ADAMTSL3: variants seen among roughly 807,000 people sequenced by gnomAD.
ADAMTSL3 encodes ADAMTS-like protein 3.
A neutral mutation model predicts 201.7 loss-of-function variants in ADAMTSL3; 128 were observed. The ratio of observed to expected loss-of-function variants is 0.63; its 90% confidence interval spans 0.55 to 0.73. ADAMTSL3 has a LOEUF of 0.73. Among genes scored for constraint, ADAMTSL3 ranks in the 30% least tolerant of loss-of-function variants. ADAMTSL3 has a pLI of 0.00. For synonymous variants in ADAMTSL3, 738 were observed against 748.4 expected, an observed-to-expected ratio of 0.99 and a Z score of 0.23; for missense variants, 1,990 against 2,119.6, an observed-to-expected ratio of 0.94 and a Z score of 1.20.
At position 83,654,524 on chromosome 15, in the gene ADAMTSL3, G is replaced by A. The variant is rs890716612; in HGVS notation, c.-34+248G>A. 5.9e-5 allele frequency among the ~76,000 whole-genome samples: 9 copies of A among 152,092 alleles called. No homozygotes were observed. The highest frequency in any genetic ancestry group is 1.2e-4 in the Non-Finnish European group (8 of 68,034). On this transcript the variant is annotated intron_variant, in intron 1 of 29. Transcript: ENST00000286744. This position sits in a 1 kb window ranked among gnomAD's most constrained non-coding sequence, Gnocchi z 5.3. Reference sequence around the variant, plus strand: ...GGAGAGTCTTTCGGCGGCAGTTCGCGGGCTGAGGGGCGTTCTTGATTATGG... The same window carrying A: ...GGAGAGTCTTTCGGCGGCAGTTCGCAGGCTGAGGGGCGTTCTTGATTATGG...
chr15:83,796,595 A>T, intron 4 of ADAMTSL3, among the ~76,000 whole-genome samples: 1 of 152,228 alleles, frequency 6.6e-6, no homozygotes, highest in Non-Finnish European at 1.5e-5. Context: ...CATAATTTCA[A>T]TTCTAAGTAT....
chr15:83,782,212 C>T (rs1306459707), intron 4 of ADAMTSL3, among the ~76,000 whole-genome samples: 1 of 152,150 alleles, frequency 6.6e-6, no homozygotes, highest in Non-Finnish European at 1.5e-5. Flanking sequence ...TGTGCTGGCT[C>T]ATGCCTGTAA....
chr15:83,745,659 G>A (rs994236414), intron 3 of ADAMTSL3, among the ~76,000 whole-genome samples: 6 of 152,184 alleles, frequency 3.9e-5, no homozygotes, highest in East Asian at 1.9e-4. Context: ...GCACCCAAGC[G>A]ACTGGCTAGT....
chr15:83,885,441 CAA>C (rs1319354132), intron 10 of ADAMTSL3, among the ~76,000 whole-genome samples: 4 of 129,058 alleles, frequency 3.1e-5, no homozygotes, highest in African/African-American at 5.5e-5. Context: ...TACTTTTAGC[CAA>C]AAAAAAAAAA....
chr15:84,025,547 G>A, intron 27 of ADAMTSL3, 111 bp downstream of exon 27: 2 of 1,004,064 alleles, frequency 2.0e-6, no homozygotes, highest in Admixed American at 5.4e-5. Context: ...GCAGGAATCT[G>A]ACTGGTCTCT....
intron 2 of ADAMTSL3, among the ~76,000 whole-genome samples, chr15:83,678,325 A>G (rs751173457): frequency 3.2e-4 from 48 of 152,132 alleles, no homozygotes; most frequent in Non-Finnish European, 6.0e-4. Flanking sequence ...CTTTAATGGT[A>G]GGCCTTCTGG....
intron 3 of ADAMTSL3, among the ~76,000 whole-genome samples, chr15:83,742,939 A>G (rs977223885): frequency 1.3e-5 from 2 of 152,116 alleles, no homozygotes; most frequent in African/African-American, 4.8e-5. Flanking sequence ...TTTCTCTCTC[A>G]TTGTTTTAAT....
chr15:83,890,012 T>G, intron 10 of ADAMTSL3, 97 bp from the exon 11 acceptor site: 3 of 1,394,864 alleles, frequency 2.2e-6, no homozygotes, highest in South Asian at 2.8e-5. Flanking sequence ...GTTAAGTTTC[T>G]TAAAGAGGAA....
chr15:84,033,094 C>T (rs571041579), intron 28 of ADAMTSL3, among the ~76,000 whole-genome samples: 1 of 151,674 alleles, frequency 6.6e-6, no homozygotes, highest in Non-Finnish European at 1.5e-5. Flanking sequence ...TTCTTGAACT[C>T]ATCTTCATTT....
At chr15:83,732,964 G>A (rs1351327221) in intron 3 of ADAMTSL3, among the ~76,000 whole-genome samples, 1 of 152,102 alleles carries the variant, frequency 6.6e-6, no homozygotes, top group Non-Finnish European at 1.5e-5. Flanking sequence ...AATGGGCTGG[G>A]TAAATTATGG....
chr15:83,755,410 T>C (rs1412775493), intron 3 of ADAMTSL3, among the ~76,000 whole-genome samples: 1 of 152,158 alleles, frequency 6.6e-6, no homozygotes, highest in Admixed American at 6.6e-5. Context: ...CATTAAATAA[T>C]AACCCCCTAT....
intron 10 of ADAMTSL3, among the ~76,000 whole-genome samples, chr15:83,886,386 C>T (rs914112017): frequency 1.3e-4 from 20 of 152,210 alleles, no homozygotes; most frequent in African/African-American, 3.4e-4. Flanking sequence ...TTATTCTTGA[C>T]GAAAACCCTA....
intron 16 of ADAMTSL3, 110 bp downstream of exon 16, chr15:83,913,488 T>A: frequency 9.1e-7 from 1 of 1,096,768 alleles, no homozygotes; most frequent in Non-Finnish European, 1.3e-6. Flanking sequence ...CTAAAGGAGG[T>A]GAAGTCATTC....
intron 6 of ADAMTSL3, chr15:83,824,722 T>C (rs989693061): frequency 1.3e-5 from 2 of 152,190 alleles, no homozygotes; most frequent in African/African-American, 4.8e-5. Context: ...GTCACAGAGT[T>C]GGAATCATAT....
intron 5 of ADAMTSL3, among the ~76,000 whole-genome samples, chr15:83,805,556 C>CAA (rs779366103): frequency 8.1e-6 from 1 of 124,122 alleles, no homozygotes; most frequent in African/African-American, 3.0e-5. Flanking sequence ...GACTCTGTCT[C>CAA]AAAAAAAAAA....
At chr15:83,661,738 C>G (rs2061167384) in intron 2 of ADAMTSL3, among the ~76,000 whole-genome samples, 1 of 151,566 alleles carries the variant, frequency 6.6e-6, no homozygotes, top group African/African-American at 2.4e-5. Context: ...AAAAAACAAA[C>G]AACCCCATCA....
At chr15:83,979,551 A>G (rs1265741628) in intron 20 of ADAMTSL3, among the ~76,000 whole-genome samples, 3 of 152,238 alleles carry the variant, frequency 2.0e-5, no homozygotes, top group Admixed American at 6.5e-5. Context: ...CTTGAATTTT[A>G]TATTCCTTTT....
At chr15:83,985,215 A>T (rs2067452559) in intron 21 of ADAMTSL3, among the ~76,000 whole-genome samples, 1 of 152,156 alleles carries the variant, frequency 6.6e-6, no homozygotes, top group South Asian at 2.1e-4. Context: ...CATTTAAAAA[A>T]ATCACCGTGT....
At chr15:83,737,129 T>A (rs374840822) in intron 3 of ADAMTSL3, among the ~76,000 whole-genome samples, 13 of 152,308 alleles carry the variant, frequency 8.5e-5, no homozygotes, top group Non-Finnish European at 1.6e-4. Flanking sequence ...AAATCATAGA[T>A]TGGCTGATAA....
Sources: gnomAD v4.1 joint callset for allele counts (sites outside exome capture counted in the v4.1 genomes callset) on GRCh38, gnomAD v4.1.1 for gene constraint, Gnocchi (gnomAD v3.1) non-coding constraint, MANE v1.5 for transcripts, NCBI Gene and HGNC (gene_info 2026-07-23, HGNC 2026-07-21) for gene names.